The following CSMD2 variants were observed in gnomAD, a reference collection of about 807,000 sequenced individuals.
The protein encoded by CSMD2 is CUB and sushi domain-containing protein 2.
In CSMD2, 130 loss-of-function variants were observed where a neutral mutation model predicts 398.5. The ratio of observed to expected loss-of-function variants is 0.33; its 90% CI spans 0.28 to 0.38. The LOEUF (loss-of-function observed/expected upper bound fraction) is 0.38. Ranked by LOEUF, CSMD2 falls within the 10% of genes least tolerant of loss-of-function variation. The probability of loss-of-function intolerance (pLI) is 1.00; values close to 1 mark genes in which losing one functional copy is unlikely to be tolerated. For synonymous variants in CSMD2, 1,828 were observed against 1,908.5 expected, an observed-to-expected ratio of 0.96 and a Z score of 1.10; for missense variants, 3,829 against 4,764.9, an observed-to-expected ratio of 0.80 and a Z score of 5.78.
chr1:33,869,786 C>T (rs956348128), intron 5 of CSMD2, among the ~76,000 whole-genome samples: 2 of 152,178 alleles, frequency 1.3e-5, no homozygotes, highest in Admixed American at 1.3e-4. Flanking sequence ...CCTCCCCACT[C>T]TCCCTTTCTC....
intron 1 of CSMD2, among the ~76,000 whole-genome samples, chr1:34,162,585 G>T (rs945408292): frequency 1.3e-5 from 2 of 152,122 alleles, no homozygotes; most frequent in South Asian, 4.1e-4. Context: ...TGGGCTGGGC[G>T]CGGTGGCTCA....
chr1:34,116,115 C>A (rs1038436797), intron 1 of CSMD2, among the ~76,000 whole-genome samples: 1 of 151,880 alleles, frequency 6.6e-6, no homozygotes, highest in Non-Finnish European at 1.5e-5. Context: ...TAATTACTTT[C>A]GATGTAAATG....
chr1:33,819,555 C>CTGGATAAGTATGCTTATTGG (rs1342601462), intron 9 of CSMD2, among the ~76,000 whole-genome samples, 158 bp downstream of exon 9: 4 of 152,192 alleles, frequency 2.6e-5, no homozygotes, highest in Non-Finnish European at 4.4e-5. Flanking sequence ...TGAGAAAGGG[C>CTGGATAAGTATGCTTATTGG]TGGATAAGTA....
intron 5 of CSMD2, chr1:33,864,669 T>A (rs1484843499): frequency 1.2e-6 from 2 of 1,613,744 alleles, no homozygotes; most frequent in African/African-American, 2.7e-5. Context: ...ACTTGAACTC[T>A]ACCGTAAACA....
rs114282447 is a variant in CSMD2 at position 33,579,133 on chromosome 1, C to T, written c.7387+1620G>A. The stretch of plus-strand genomic sequence containing the variant: ...ACAACTGACTCATTATCCCCAAACA[C>T]GTTAGAACATCAAGGAAAGGGTAAC... On this transcript the variant is annotated intron_variant, in intron 48 of 70. Transcript: ENST00000373381. 3.9e-3 allele frequency among the ~76,000 whole-genome samples: 599 copies of T among 152,270 alleles called. 2 individuals carry two copies. The highest frequency in any genetic ancestry group is 6.2e-3 in the Non-Finnish European group (422 of 68,016).
intron 1 of CSMD2, among the ~76,000 whole-genome samples, chr1:34,126,997 C>T (rs1050997501): frequency 2.2e-4 from 33 of 151,840 alleles, no homozygotes; most frequent in African/African-American, 7.7e-4. Context: ...GAGAGTGAGA[C>T]CGCAAGCCAG....
At chr1:33,727,639 CGGCCTCGGTAAT>C (rs1251376418) in intron 15 of CSMD2, among the ~76,000 whole-genome samples, 5 of 152,114 alleles carry the variant, frequency 3.3e-5, no homozygotes, top group African/African-American at 1.2e-4. Context: ...TTTCCTTTTC[CGGCCTCGGTAAT>C]TGTGGAAGCA....
At position 33,519,638 on chromosome 1, in the gene CSMD2, G is replaced by T. The variant is rs768925616; in HGVS notation, c.10776C>A (p.His3592Gln). The change falls in exon 70 of 71, where the codon CAC becomes CAA. Residue 3592 changes from histidine (H) to glutamine (Q), a missense_variant. Physicochemically the swap from His to Gln is conservative, Grantham distance 24. Coordinates refer to ENST00000373381, the MANE Select transcript of CSMD2 (RefSeq NM_001281956.2). This position sits in a 1 kb window ranked among gnomAD's most constrained non-coding sequence, Gnocchi z 5.6. ...PKVPFNGYAG[H>Q]ENTNVRATFE... ...ATGTGGCCCGAACATTGGTGTTCTC[G>T]TGGCCAGCATAGCCATTGAAAGGAA... The T allele has an allele frequency of 6.2e-7, 1 of 1,614,006 alleles. No homozygotes were observed. Among genetic ancestry groups the T allele is most frequent in the Non-Finnish European group, 8.5e-7 (1 of 1,179,992 alleles).
At chr1:33,846,423 G>A (rs1419349024) in intron 6 of CSMD2, among the ~76,000 whole-genome samples, 1 of 152,234 alleles carries the variant, frequency 6.6e-6, no homozygotes, top group Non-Finnish European at 1.5e-5. Context: ...AGCAAAGGCT[G>A]GTGGTTAAGA....
At chr1:33,969,760 A>AGT (rs1645689020) in intron 3 of CSMD2, among the ~76,000 whole-genome samples, 1 of 151,960 alleles carries the variant, frequency 6.6e-6, no homozygotes, top group South Asian at 2.1e-4. Flanking sequence ...TGAGTGAGTG[A>AGT]GTGTGTATGC....
At chr1:33,948,539 A>C (rs1206218118) in intron 3 of CSMD2, among the ~76,000 whole-genome samples, 1 of 152,216 alleles carries the variant, frequency 6.6e-6, no homozygotes, top group African/African-American at 2.4e-5. Flanking sequence ...CAGCTCTTAC[A>C]TTCACACACA....
At chr1:34,100,142 T>A (rs781648037) in intron 1 of CSMD2, among the ~76,000 whole-genome samples, 2 of 152,224 alleles carry the variant, frequency 1.3e-5, no homozygotes, top group Non-Finnish European at 2.9e-5. Context: ...TATGTATAAT[T>A]TTGTGTGCTA....
chr1:33,689,374 AC>A (rs1490829421), intron 25 of CSMD2, among the ~76,000 whole-genome samples: 1 of 152,060 alleles, frequency 6.6e-6, no homozygotes, highest in Non-Finnish European at 1.5e-5. Context: ...TGTTATCTTT[AC>A]CTTCTTTGGA....
chr1:33,743,771 C>T (rs1370948548), intron 13 of CSMD2, among the ~76,000 whole-genome samples, 165 bp from the exon 14 acceptor site: 1 of 152,158 alleles, frequency 6.6e-6, no homozygotes, highest in Non-Finnish European at 1.5e-5. Context: ...GGTGGGGAGA[C>T]ATGCTGGGCT....
Position 33,658,085 on chromosome 1 carries a change from C to T in CSMD2, c.4308G>A (p.Arg1436=). The part of the protein sequence containing the change: ...NDPGIPQNGS[R]SGDSWEAGDS... ...CGCCGGCTTCCCAACTGTCACCACT[C>T]CGACTCCCATTCTGCGGGATCCCAG... The change falls in exon 27 of 71, where the codon CGG becomes CGA. Residue 1436 remains arginine, a synonymous_variant. Transcript: ENST00000373381. 6.2e-7 allele frequency: 1 copy of T among 1,614,220 alleles called. No individual in the cohort carries two copies. Among genetic ancestry groups the T allele is most frequent in the Non-Finnish European group, 8.5e-7 (1 of 1,180,042 alleles).
intron 16 of CSMD2, among the ~76,000 whole-genome samples, chr1:33,726,058 C>T (rs956646169): frequency 1.3e-5 from 2 of 152,190 alleles, no homozygotes; most frequent in Non-Finnish European, 1.5e-5. Flanking sequence ...GCCAGGAACA[C>T]TTTGTCCGGA....
chr1:33,949,445 C>T (rs1367230881), intron 3 of CSMD2, among the ~76,000 whole-genome samples: 4 of 152,166 alleles, frequency 2.6e-5, no homozygotes, highest in African/African-American at 9.7e-5. Context: ...AGCCAGGGAG[C>T]GGTCTGTTGC....
At chr1:33,833,882 A>G (rs7365305) in intron 6 of CSMD2, among the ~76,000 whole-genome samples, 25,083 of 150,848 alleles carry the variant, frequency 0.17, 2,327 homozygotes, top group South Asian at 0.36. Context: ...CCAAATCATG[A>G]GTGAACTCCC....
rs1301020085 is a variant in CSMD2, at chr1:33,820,537, G to A, written c.1131C>T (p.Ser377=). Residue 377 remains serine, a synonymous_variant, in exon 8 of 71, where the codon TCC becomes TCT. Coordinates refer to ENST00000373381, the MANE Select transcript of CSMD2 (RefSeq NM_001281956.2). ...KTSVLTQVGV[S]QGHNMCPDPG... ...GGTCTGGACACATATTATGTCCTTG[G>A]GACACACCAACCTGAGTTACTACAA... 1 of 1,461,130 alleles carries A rather than the reference G, an allele frequency of 6.8e-7. No homozygotes were observed. Among genetic ancestry groups the A allele is most frequent in the Admixed American group, 1.7e-5 (1 of 57,434 alleles). The allele number at this position is 1,461,130 out of a possible 1,614,324, so 90.5% of individuals were successfully genotyped here.
Sources: allele counts gnomAD v4.1 joint callset (sites outside exome capture counted in the v4.1 genomes callset), GRCh38; gene constraint gnomAD v4.1.1; non-coding constraint Gnocchi (gnomAD v3.1); transcripts MANE v1.5; gene names NCBI Gene and HGNC (gene_info 2026-07-23, HGNC 2026-07-21).